Variants in ASAP3 observed in about 807,000 individuals in gnomAD.
ASAP3 encodes the protein ArfGAP with SH3 domain, ankyrin repeat and PH domain 3.
Under a neutral mutation model 118.2 loss-of-function variants are expected in ASAP3, and 85 were observed. That is an observed-to-expected ratio of 0.72 (90% confidence interval 0.60 to 0.86). The LOEUF is 0.86. Ranked by LOEUF, ASAP3 falls within the 40% of genes least tolerant of loss-of-function variation. The probability of loss-of-function intolerance (pLI) is 0.00; values close to 1 mark genes in which losing one functional copy is unlikely to be tolerated. For missense variants in ASAP3, 1,026 were observed against 1,175.0 expected (o/e 0.87, Z 1.85); for synonymous variants, 432 against 477.4 (o/e 0.90, Z 1.24).
rs1255602192 is a variant in ASAP3, at chr1:23,438,098, G to A, written c.1103-626C>T. Among the ~76,000 whole-genome samples, 3 of 152,104 alleles carry A rather than the reference G, an allele frequency of 2.0e-5. No homozygotes were observed. Among genetic ancestry groups the A allele is most frequent in the Non-Finnish European group, 2.9e-5 (2 of 67,984 alleles). On this transcript the variant is annotated intron_variant, in intron 12 of 24. Coordinates refer to ENST00000336689, the MANE Select transcript of ASAP3 (RefSeq NM_017707.4). The surrounding 1 kb of genome is among the most constrained non-coding windows in gnomAD (Gnocchi z 4.9). ...CCATGCCTTTCATCATGCTAATCCT[G>A]TCTCCTCAAAAGCCCCCACCCCACA...
intron 17 of ASAP3, among the ~76,000 whole-genome samples, chr1:23,435,358 A>G (rs956303458): frequency 2.0e-5 from 3 of 152,248 alleles, no homozygotes; most frequent in Non-Finnish European, 4.4e-5. Flanking sequence ...CGAATCAGTC[A>G]GCAACTCCTG....
chr1:23,430,050 CAAAG>C (rs1640370460), intron 24 of ASAP3, 120 bp from the exon 25 acceptor site: 2 of 876,348 alleles, frequency 2.3e-6, no homozygotes, highest in Non-Finnish European at 3.4e-6. Flanking sequence ...ATTTTACAGA[CAAAG>C]AAACTGAGGC....
chr1:23,453,521 T>C (rs1570370470), intron 3 of ASAP3, among the ~76,000 whole-genome samples: 1 of 152,134 alleles, frequency 6.6e-6, no homozygotes, highest in African/African-American at 2.4e-5. Context: ...GAAACTACCT[T>C]AAGAGGAAAG....
rs552763379 is a variant in ASAP3, at chr1:23,448,220, G to A, written c.473+3259C>T. Among the ~76,000 whole-genome samples the A allele has an allele frequency of 4.6e-5, 7 of 152,212 alleles. No individual in the cohort carries two copies. The South Asian group carries it at 1.0e-3, about 23-fold the overall frequency. ...ACAGTCCAGTGTTATTCATGGGATGGGTACAGGTACTCCTGGTGCAGGCAG... is the reference window on the plus strand; with the variant it reads ...ACAGTCCAGTGTTATTCATGGGATGAGTACAGGTACTCCTGGTGCAGGCAG... On this transcript the variant is annotated intron_variant, in intron 5 of 24. Coordinates refer to ENST00000336689, the MANE Select transcript of ASAP3 (RefSeq NM_017707.4).
chr1:23,468,157 G>C (rs1409730220), intron 1 of ASAP3, among the ~76,000 whole-genome samples: 1 of 152,040 alleles, frequency 6.6e-6, no homozygotes, highest in African/African-American at 2.4e-5. Flanking sequence ...CAGCCAAAAT[G>C]TGGACCTGGG....
chr1:23,434,426 A>C lies in ASAP3; in HGVS notation c.1836-57T>G, dbSNP rs1640559692. The C allele has an allele frequency of 2.5e-6, 4 of 1,604,998 alleles. No homozygotes were observed. The South Asian group carries it at 3.3e-5, about 13-fold the overall frequency. ...GGGGAACAGATCAATGAGGGGATCA[A>C]AGTCAGGGGAAAAAGTGGGAGGGGA... On this transcript the variant is annotated intron_variant, in intron 18 of 24. Coordinates refer to ENST00000336689, the MANE Select transcript of ASAP3 (RefSeq NM_017707.4).
chr1:23,462,386 C>G (rs1280311023), intron 1 of ASAP3, among the ~76,000 whole-genome samples: 3 of 152,044 alleles, frequency 2.0e-5, no homozygotes, highest in Non-Finnish European at 4.4e-5. Flanking sequence ...AGCCAGATAC[C>G]ATTCCCGTCC....
At position 23,452,741 on chromosome 1, in the gene ASAP3, G is replaced by T; in HGVS notation, c.379C>A (p.Pro127Thr). The change falls in exon 4 of 25, where the codon CCC becomes ACC. Residue 127 changes from proline (P) to threonine (T), a missense_variant. By Grantham distance (38) the Pro-to-Thr change is conservative. Coordinates refer to ENST00000336689, the MANE Select transcript of ASAP3 (RefSeq NM_017707.4). ...TGCCCCTTCATCAGACTGTCCAGGG[G>T]GAAAGAGACAATGTTGTTCAAGTTC... The part of the protein sequence containing the change: ...IQNLNNIVSF[P>T]LDSLMKGQLR... 1 of 1,613,964 alleles carries T rather than the reference G, an allele frequency of 6.2e-7. No homozygotes were observed. Among genetic ancestry groups the T allele is most frequent in the East Asian group, 2.2e-5 (1 of 44,878 alleles).
chr1:23,436,840 G>A lies in ASAP3; in HGVS notation c.1476+71C>T, dbSNP rs1640678191. The A allele has an allele frequency of 3.3e-6, 5 of 1,534,088 alleles. No individual in the cohort carries two copies. The highest frequency in any genetic ancestry group is 4.4e-6 in the Non-Finnish European group (5 of 1,136,860). On this transcript the variant is annotated intron_variant, in intron 15 of 24. Transcript: ENST00000336689. This position sits in a 1 kb window ranked among gnomAD's most constrained non-coding sequence, Gnocchi z 4.2. ...GCCAGGTCCCACCCACAACCTGCAA[G>A]CCCCGCCCCCGGATGAAACTACACC...
intron 1 of ASAP3, among the ~76,000 whole-genome samples, chr1:23,469,317 T>C (rs1220526675): frequency 6.6e-6 from 1 of 151,896 alleles, no homozygotes; most frequent in East Asian, 1.9e-4. Flanking sequence ...AAAATAATAA[T>C]AACAATAATA....
In ASAP3 at chr1:23,434,540, G is replaced by C; in HGVS notation, c.1828C>G (p.Gln610Glu). 3 of 1,614,092 alleles carry C rather than the reference G, an allele frequency of 1.9e-6. No homozygotes were observed. Among genetic ancestry groups the C allele is most frequent in the Non-Finnish European group, 2.5e-6 (3 of 1,180,000 alleles). ...AGGCAGGGAGGCTCTCACCCGTTCT[G>C]GATGATGAAATCCACCAGAGGCAGG... ...ASLPLVDFII[Q>E]NGGHLDAKAA... Residue 610 changes from glutamine to glutamate, a missense_variant, in exon 18 of 25, where the codon CAG becomes GAG. Transcript: ENST00000336689.
At chr1:23,456,973 G>A (rs1302029464) in intron 1 of ASAP3, among the ~76,000 whole-genome samples, 2 of 152,216 alleles carry the variant, frequency 1.3e-5, no homozygotes, top group Non-Finnish European at 2.9e-5. Context: ...ATGGCAAGAA[G>A]CAAGTCTCAC....
chr1:23,449,451 CA>C (rs956113482), intron 5 of ASAP3, among the ~76,000 whole-genome samples: 1 of 152,204 alleles, frequency 6.6e-6, no homozygotes, highest in African/African-American at 2.4e-5. Context: ...TATGAACAGC[CA>C]GGGGTGAAGC....
Position 23,436,732 on chromosome 1 carries a change from C to G in ASAP3, c.1477-78G>C, listed in dbSNP as rs1214864572. On this transcript the variant is annotated intron_variant, in intron 15 of 24. Transcript: ENST00000336689. The surrounding 1 kb of genome is among the most constrained non-coding windows in gnomAD (Gnocchi z 4.2). ...CTGCATAGGGTGGAGCTCCAAGCCC[C>G]CAGAGTCCCGCCCCTCGGCCGCCCT... 3 of 1,588,770 alleles carry G rather than the reference C, an allele frequency of 1.9e-6. No homozygotes were observed. The African/African-American group carries it at 4.0e-5, about 21-fold the overall frequency.
intron 1 of ASAP3, among the ~76,000 whole-genome samples, chr1:23,461,678 A>AG (rs201847199): frequency 8.1e-6 from 1 of 123,010 alleles, no homozygotes; most frequent in African/African-American, 2.6e-5. Flanking sequence ...CCCCCCCACA[A>AG]AAAAAAAAAA....
At chr1:23,431,556 G>T in intron 23 of ASAP3, 140 bp downstream of exon 23, 1 of 827,122 alleles carries the variant, frequency 1.2e-6, no homozygotes, top group Non-Finnish European at 1.8e-6. Context: ...CCAGGGTTCA[G>T]CATTTCTGCA....
Position 23,460,526 on chromosome 1 carries a change from ACC to A in ASAP3, c.130-4334_130-4333del, listed in dbSNP as rs1469920121. 2.3e-3 allele frequency among the ~76,000 whole-genome samples: 251 copies of A among 110,054 alleles called. 3 individuals are homozygous for A. The highest frequency in any genetic ancestry group is 4.9e-3 in the African/African-American group (158 of 32,038). The allele number at this position is 110,054 out of a possible 152,430, so 72.2% of individuals were successfully genotyped here. A position where few individuals can be genotyped will look rare whatever the true frequency, so the allele number is the denominator to read the frequency against. On this transcript the variant is annotated intron_variant, in intron 1 of 24. Coordinates refer to ENST00000336689, the MANE Select transcript of ASAP3 (RefSeq NM_017707.4). ...CATCTCAAAAAAAAAAAAAAAAAAA[ACC>A]AAACAAAAACACACACACACACAAA...
intron 4 of ASAP3, among the ~76,000 whole-genome samples, chr1:23,452,188 G>T (rs1321532132): frequency 1.3e-5 from 2 of 152,176 alleles, no homozygotes; most frequent in Non-Finnish European, 2.9e-5. Context: ...GGCAGGGAGG[G>T]AACCCTCTTG....
intron 1 of ASAP3, among the ~76,000 whole-genome samples, chr1:23,481,655 G>A (rs1642311969): frequency 6.6e-6 from 1 of 152,080 alleles, no homozygotes; most frequent in Non-Finnish European, 1.5e-5. Flanking sequence ...CCTGAACTGG[G>A]GCAAAGCTGA....
Sources: gnomAD v4.1 joint callset for allele counts (sites outside exome capture counted in the v4.1 genomes callset) on GRCh38, gnomAD v4.1.1 for gene constraint, Gnocchi (gnomAD v3.1) non-coding constraint, MANE v1.5 for transcripts, NCBI Gene and HGNC (gene_info 2026-07-23, HGNC 2026-07-21) for gene names.